PTGFRN: variants seen among roughly 807,000 people sequenced by gnomAD.
PTGFRN encodes the protein prostaglandin F2 receptor inhibitor.
Under a neutral mutation model 83.2 loss-of-function variants are expected in PTGFRN, and 35 were observed. The ratio of observed to expected loss-of-function variants is 0.42; its 90% CI spans 0.32 to 0.56. The LOEUF (loss-of-function observed/expected upper bound fraction) is 0.56, where lower values mean the gene tolerates loss of function less well. Among genes scored for constraint, PTGFRN ranks in the 20% least tolerant of loss-of-function variants. The pLI is 0.11. For synonymous variants in PTGFRN, 519 were observed against 498.6 expected, an observed-to-expected ratio of 1.04 and a Z score of -0.55; for missense variants, 1,051 against 1,179.5, an observed-to-expected ratio of 0.89 and a Z score of 1.60.
At chr1:116,949,050 C>A in intron 3 of PTGFRN, 142 bp from the exon 4 acceptor site, 1 of 1,000,306 alleles carries the variant, frequency 1.0e-6, no homozygotes, top group South Asian at 2.0e-5. Flanking sequence ...TTAAATATTT[C>A]TCAAGCACTT....
rs1343736841 is a variant in PTGFRN, at chr1:116,958,537, AATG to A, written c.1214-2703_1214-2701del. Among the ~76,000 whole-genome samples the A allele has an allele frequency of 6.6e-6, 1 of 152,176 alleles. No individual in the cohort carries two copies. The highest frequency in any genetic ancestry group is 1.5e-5 in the Non-Finnish European group (1 of 68,022). ...CCCCTCAGAAATGGGAACTGTGAATAATGATCACAAATATATACACGTGTATGT... is the reference window on the plus strand; with the variant it reads ...CCCCTCAGAAATGGGAACTGTGAATAATCACAAATATATACACGTGTATGT... On this transcript the variant is annotated intron_variant, in intron 4 of 8. Transcript: ENST00000393203. This position sits in a 1 kb window ranked among gnomAD's most constrained non-coding sequence, Gnocchi z 4.9.
intron 1 of PTGFRN, among the ~76,000 whole-genome samples, chr1:116,931,492 TTTTC>T: frequency 7.0e-6 from 1 of 142,390 alleles, no homozygotes; most frequent in South Asian, 2.1e-4. Flanking sequence ...TAGCTGAACT[TTTTC>T]TTTTTTTTTT....
At chr1:116,957,739 G>A (rs960203003) in intron 4 of PTGFRN, among the ~76,000 whole-genome samples, 1 of 152,110 alleles carries the variant, frequency 6.6e-6, no homozygotes, top group Non-Finnish European at 1.5e-5. Flanking sequence ...CAGTCTAACT[G>A]AAATTTTGCG....
At chr1:116,957,959 T>A (rs1241394730) in intron 4 of PTGFRN, among the ~76,000 whole-genome samples, 1 of 152,238 alleles carries the variant, frequency 6.6e-6, no homozygotes, top group African/African-American at 2.4e-5. Flanking sequence ...CTTTTTTTTT[T>A]ATGGCTGAAT....
In PTGFRN at chr1:116,961,428, A is replaced by G; in HGVS notation, c.1399A>G (p.Met467Val). ...NVVTSELLAVMDGDWTLKYGE... is the reference protein window; with the variant it reads ...NVVTSELLAVVDGDWTLKYGE... ...GGTGACCAGCGAGCTGCTTGCAGTC[A>G]TGGACGGGGACTGGACGCTAAAATA... The change falls in exon 5 of 9, where the codon ATG becomes GTG. Residue 467 changes from methionine (M) to valine (V), a missense_variant. Coordinates refer to ENST00000393203, the MANE Select transcript of PTGFRN (RefSeq NM_020440.4). The surrounding 1 kb of genome is among the most constrained non-coding windows in gnomAD (Gnocchi z 5.4). The G allele has an allele frequency of 1.2e-6, 2 of 1,614,198 alleles. No individual in the cohort carries two copies. Among genetic ancestry groups the G allele is most frequent in the Non-Finnish European group, 1.7e-6 (2 of 1,180,036 alleles).
At position 116,949,558 on chromosome 1, in the gene PTGFRN, G is replaced by A. The variant is rs201309292; in HGVS notation, c.1199G>A (p.Gly400Asp). 4 of 1,612,896 alleles carry A rather than the reference G, an allele frequency of 2.5e-6. No individual in the cohort carries two copies. Among genetic ancestry groups the A allele is most frequent in the South Asian group, 1.1e-5 (1 of 90,966 alleles). Residue 400 changes from glycine (G) to aspartate (D), a missense_variant, in exon 4 of 9, where the codon GGT (glycine) becomes GAT (aspartate). Around this residue, in one of 3 missense-constraint regions of PTGFRN, gnomAD observed 719 missense variants for 836.6 expected, o/e 0.86. Coordinates refer to ENST00000393203, the MANE Select transcript of PTGFRN (RefSeq NM_020440.4). The stretch of plus-strand genomic sequence containing the variant: ...GCCGTGTCTTCCCCAGCTGGTGTGG[G>A]TGTGACCTGGCTAGGTGAGTGGTTT... ...AEAVSSPAGV[G>D]VTWLEPDYQV...
intron 4 of PTGFRN, among the ~76,000 whole-genome samples, chr1:116,957,525 G>A (rs1274132988): frequency 6.6e-6 from 1 of 152,046 alleles, no homozygotes; most frequent in Non-Finnish European, 1.5e-5. Context: ...TATGTTTATG[G>A]TGTACCACAT....
intron 6 of PTGFRN, among the ~76,000 whole-genome samples, chr1:116,969,636 G>A (rs1039709116): frequency 9.9e-5 from 15 of 152,062 alleles, no homozygotes; most frequent in African/African-American, 3.1e-4. Flanking sequence ...TACAGTCCAG[G>A]CATCTGGGAC....
chr1:116,927,638 A>G (rs1255940795), intron 1 of PTGFRN, among the ~76,000 whole-genome samples: 2 of 149,662 alleles, frequency 1.3e-5, no homozygotes, highest in South Asian at 4.2e-4. Context: ...GGCTCAAGCC[A>G]TCTTCCTGCC....
intron 6 of PTGFRN, among the ~76,000 whole-genome samples, chr1:116,970,342 T>C (rs908023031): frequency 5.3e-5 from 8 of 152,212 alleles, no homozygotes; most frequent in Non-Finnish European, 1.2e-4. Flanking sequence ...ATTTTTGTCA[T>C]GGAAAGGTGT....
chr1:116,944,787 C>G lies in PTGFRN; in HGVS notation c.527C>G (p.Pro176Arg). ...CGCTGCACCGCCGCCTCCGCCTCGC[C>G]GCTGCACACGCACCTGGCGCTGCTG... ...ELRCTAASASPLHTHLALLWE... is the reference protein window; with the variant it reads ...ELRCTAASASRLHTHLALLWE... The change falls in exon 3 of 9, where the codon CCG (proline) becomes CGG (arginine). Residue 176 changes from proline (P) to arginine (R), a missense_variant. Physicochemically the swap from Pro to Arg is moderately radical, Grantham distance 103 (BLOSUM62 -2). Transcript: ENST00000393203. 2 of 1,562,904 alleles carry G rather than the reference C, an allele frequency of 1.3e-6. No homozygotes were observed. The highest frequency in any genetic ancestry group is 1.7e-6 in the Non-Finnish European group (2 of 1,158,318).
At chr1:116,945,960 T>C (rs1157546939) in intron 3 of PTGFRN, among the ~76,000 whole-genome samples, 1 of 152,132 alleles carries the variant, frequency 6.6e-6, no homozygotes, top group Non-Finnish European at 1.5e-5. Flanking sequence ...CCTGTGGAGC[T>C]TTAGGCTTCA....
Position 116,909,942 on chromosome 1 carries a change from G to T in PTGFRN, c.-262G>T, listed in dbSNP as rs1016971838. On this transcript the variant is annotated 5_prime_UTR_variant, in exon 1 of 9. Transcript: ENST00000393203. ...CCTTCTGCTTTCGGGAAGCGGTCGG[G>T]GCTGCACACTCGGATCGGCGGGGCC... The T allele has an allele frequency of 3.6e-6, 2 of 553,062 alleles. No individual in the cohort carries two copies. The highest frequency in any genetic ancestry group is 3.5e-5 in the East Asian group (1 of 28,338). The allele number at this position is 553,062 out of a possible 1,614,324, so 34.3% of individuals were successfully genotyped here.
intron 4 of PTGFRN, among the ~76,000 whole-genome samples, chr1:116,959,228 C>A (rs967006773): frequency 3.0e-4 from 46 of 152,300 alleles, no homozygotes; most frequent in African/African-American, 1.0e-3. Flanking sequence ...TTCAGGACAT[C>A]CCCTAGCAGT....
chr1:116,978,524 A>G (rs1007998292), intron 7 of PTGFRN, among the ~76,000 whole-genome samples: 2 of 152,240 alleles, frequency 1.3e-5, no homozygotes, highest in African/African-American at 2.4e-5. Flanking sequence ...CTTATACACC[A>G]TGATCAAATG....
At chr1:116,981,205 A>T (rs1651309233) in intron 7 of PTGFRN, among the ~76,000 whole-genome samples, 1 of 152,080 alleles carries the variant, frequency 6.6e-6, no homozygotes. Flanking sequence ...CACTCAGGGG[A>T]TCTCTGCTAC....
At chr1:116,931,599 C>T (rs1287520592) in intron 1 of PTGFRN, among the ~76,000 whole-genome samples, 1 of 151,118 alleles carries the variant, frequency 6.6e-6, no homozygotes, top group African/African-American at 2.4e-5. Context: ...ATTACACATT[C>T]TCTGCTGTCT....
chr1:116,914,242 C>A (rs905158592), intron 1 of PTGFRN, among the ~76,000 whole-genome samples: 1 of 152,144 alleles, frequency 6.6e-6, no homozygotes, highest in East Asian at 1.9e-4. Context: ...GAGGAAAGAG[C>A]GTAGAGTAGA....
At chr1:116,913,287 T>G (rs1388596937) in intron 1 of PTGFRN, among the ~76,000 whole-genome samples, 1 of 152,114 alleles carries the variant, frequency 6.6e-6, no homozygotes, top group Non-Finnish European at 1.5e-5. Context: ...ATAATTAGAA[T>G]TTTGAAAGAA....
Sources: allele counts gnomAD v4.1 joint callset (sites outside exome capture counted in the v4.1 genomes callset), GRCh38; gene constraint gnomAD v4.1.1; regional missense constraint gnomAD v4.1.1; non-coding constraint Gnocchi (gnomAD v3.1); transcripts MANE v1.5; gene names NCBI Gene and HGNC (gene_info 2026-07-23, HGNC 2026-07-21).